The following UNC13D variants were observed in gnomAD, a reference collection of about 807,000 sequenced individuals.
UNC13D encodes the protein unc-13 homolog D.
Under a neutral mutation model 151.7 loss-of-function variants are expected in UNC13D, and 115 were observed. The observed-to-expected ratio is 0.76, with a 90% CI of 0.65 to 0.88. The LOEUF (loss-of-function observed/expected upper bound fraction) is 0.88, where lower values mean the gene tolerates loss of function less well. Ranked by LOEUF, UNC13D falls within the 40% of genes least tolerant of loss-of-function variation. The pLI is 0.00. For missense variants in UNC13D, 1,369 were observed against 1,438.7 expected (o/e 0.95, Z 0.78); for synonymous variants, 588 against 612.2 (o/e 0.96, Z 0.58).
At chr17:75,843,826 C>G in intron 1 of UNC13D, 1 of 1,375,410 alleles carries the variant, frequency 7.3e-7, no homozygotes, top group Non-Finnish European at 9.4e-7. Context: ...CACCCAGCAG[C>G]GGAAGTGAGG....
chr17:75,836,073 C>A lies in UNC13D; in HGVS notation c.1483G>T (p.Val495Leu). The A allele has an allele frequency of 6.2e-7, 1 of 1,613,784 alleles. No individual in the cohort carries two copies. Among genetic ancestry groups the A allele is most frequent in the Non-Finnish European group, 8.5e-7 (1 of 1,180,026 alleles). Residue 495 changes from valine to leucine, a missense_variant, in exon 17 of 32, where the codon GTA (valine) becomes TTA (leucine). By Grantham distance (32) the Val-to-Leu change is conservative. Around this residue, in one of 3 missense-constraint regions of UNC13D, gnomAD observed 807 missense variants for 795.5 expected, o/e 1.01. Transcript: ENST00000207549. ...TGCAGGTCGCCAATGACATCCTGTA[C>A]CAGGCCCAGCAAGGCCTTGCCTGCC... ...PEAGKALLGLVQDVIGDLHQC... is the reference protein window; with the variant it reads ...PEAGKALLGLLQDVIGDLHQC...
intron 20 of UNC13D, 21 bp from the exon 21 acceptor site, chr17:75,835,084 T>G: frequency 1.2e-6 from 2 of 1,613,400 alleles, no homozygotes; most frequent in Non-Finnish European, 1.7e-6. Context: ...AAAGGAGGAC[T>G]CAGGATACTG....
Position 75,832,978 on chromosome 17 carries a change from T to C in UNC13D, c.2435A>G (p.Glu812Gly). ...LCYMNTNLVQ[E>G]NFSSLLTLLW... ...GGCTGCTACAGACCTGCTGAAGTTC[T>C]CCTGCACCAAGTTGGTGTTCATGTA... Residue 812 changes from glutamate to glycine, a missense_variant, in exon 25 of 32, where the codon GAG (glutamate) becomes GGG (glycine). Glu to Gly is a moderately conservative substitution (Grantham distance 98). Transcript: ENST00000207549. This position sits in a 1 kb window ranked among gnomAD's most constrained non-coding sequence, Gnocchi z 4.3. 6.3e-7 allele frequency: 1 copy of C among 1,589,806 alleles called. No individual in the cohort carries two copies. The highest frequency in any genetic ancestry group is 8.6e-7 in the Non-Finnish European group (1 of 1,168,940).
Position 75,828,925 on chromosome 17 carries a change from C to T in UNC13D, c.3013G>A (p.Asp1005Asn), listed in dbSNP as rs745623386. The T allele has an allele frequency of 1.2e-6, 2 of 1,606,942 alleles. No homozygotes were observed. Among genetic ancestry groups the T allele is most frequent in the Admixed American group, 3.3e-5 (2 of 59,956 alleles). The change falls in exon 31 of 32, where the codon GAC becomes AAC. Residue 1005 changes from aspartate (D) to asparagine (N), a missense_variant. Coordinates refer to ENST00000207549, the MANE Select transcript of UNC13D (RefSeq NM_199242.3). ...TCGTCGGCCCCCAGCGTGTCGTAGT[C>T]CAGCACGGTGAGCAGGAGGCATGCC... Reference protein sequence around the residue: ...AGACLLLTVLDYDTLGADDLE... With the variant: ...AGACLLLTVLNYDTLGADDLE...
rs927196541 is a variant in UNC13D, at chr17:75,828,191, C to T, written c.3152-105G>A. The T allele has an allele frequency of 2.0e-5, 29 of 1,468,094 alleles. No homozygotes were observed. The African/African-American group carries it at 3.5e-4, about 18-fold the overall frequency. 90.9% of individuals were successfully genotyped at this position (1,468,094 alleles called of 1,614,324 possible). On this transcript the variant is annotated intron_variant, in intron 31 of 31. Coordinates refer to ENST00000207549, the MANE Select transcript of UNC13D (RefSeq NM_199242.3). ...GGTACACAACACTGCTCCATCTCCCCAACAACCTGGAAGGAAACAAGTGAC... is the reference window on the plus strand; with the variant it reads ...GGTACACAACACTGCTCCATCTCCCTAACAACCTGGAAGGAAACAAGTGAC...
rs1436634769 is a variant in UNC13D, at chr17:75,832,088, G to C, written c.2448-740C>G. ...GCTGAGATCGCGCCACTGCACTCCA[G>C]CCTGGGCGACAGAGCGAGACTCCGT... On this transcript the variant is annotated intron_variant, in intron 25 of 31. Transcript: ENST00000207549. This position sits in a 1 kb window ranked among gnomAD's most constrained non-coding sequence, Gnocchi z 4.3. 1.3e-5 allele frequency: 2 copies of C among 152,512 alleles called. No homozygotes were observed. 9.4% of individuals were successfully genotyped at this position (152,512 alleles called of 1,614,324 possible). A position where few individuals can be genotyped will look rare whatever the true frequency, so the allele number is the denominator to read the frequency against.
chr17:75,842,531 C>G lies in UNC13D; in HGVS notation c.471G>C (p.Gln157His). Residue 157 changes from glutamine to histidine, a missense_variant, in exon 6 of 32, where the codon CAG becomes CAC. Coordinates refer to ENST00000207549, the MANE Select transcript of UNC13D (RefSeq NM_199242.3). ...GGATGGTGTGCCTCACCACAGCCTT[C>G]TGCCGATGCCGGGACCCGGGGCTGC... ...PGGSPGSRHRQKAVVRHTIPE... is the reference protein window; with the variant it reads ...PGGSPGSRHRHKAVVRHTIPE... The G allele has an allele frequency of 6.2e-7, 1 of 1,612,876 alleles. No homozygotes were observed. Among genetic ancestry groups the G allele is most frequent in the Non-Finnish European group, 8.5e-7 (1 of 1,179,708 alleles).
In UNC13D at chr17:75,827,531, T is replaced by G. The variant is rs920462048; in HGVS notation, c.*434A>C. 3.3e-5 allele frequency: 51 copies of G among 1,532,816 alleles called. No individual in the cohort carries two copies. Among genetic ancestry groups the G allele is most frequent in the Middle Eastern group, 1.7e-4 (1 of 5,994 alleles). The allele number at this position is 1,532,816 out of a possible 1,614,324, so 95.0% of individuals were successfully genotyped here. On this transcript the variant is annotated 3_prime_UTR_variant, in exon 32 of 32. Coordinates refer to ENST00000207549, the MANE Select transcript of UNC13D (RefSeq NM_199242.3). ...GAGCCTCATCTTTGGCAGGGTCCCC[T>G]CTCCCTTTTCCAGGAGACTCTGTGC...
chr17:75,837,070 G>A, intron 12 of UNC13D, 152 bp from the exon 13 acceptor site: 1 of 673,270 alleles, frequency 1.5e-6, no homozygotes, highest in Non-Finnish European at 2.5e-6. Flanking sequence ...TTTTTGTTTT[G>A]TGTTTTTTTT....
At position 75,834,521 on chromosome 17, in the gene UNC13D, A is replaced by T; in HGVS notation, c.2102T>A (p.Val701Glu). ...QGQAANMLCV[V>E]VNDMEQLRLV... ...CCGCAGCTGCTCCATGTCATTCACC[A>T]CCACACACAGCTGGGACAGAGATGC... The change falls in exon 23 of 32, where the codon GTG (valine) becomes GAG (glutamate). Residue 701 changes from valine to glutamate, a missense_variant. Physicochemically the swap from Val to Glu is moderately radical, Grantham distance 121. This residue lies in a region of UNC13D where 807 missense variants were observed against 795.5 expected (regional missense o/e 1.01). Coordinates refer to ENST00000207549, the MANE Select transcript of UNC13D (RefSeq NM_199242.3). 1 of 1,590,276 alleles carries T rather than the reference A, an allele frequency of 6.3e-7. No homozygotes were observed.
intron 3 of UNC13D, 25 bp from the exon 4 acceptor site, chr17:75,843,098 T>TG: frequency 1.2e-6 from 1 of 837,616 alleles, no homozygotes; most frequent in East Asian, 3.4e-5. Flanking sequence ...GGCGGGTGGG[T>TG]GGCTGGGGGC....
intron 6 of UNC13D, among the ~76,000 whole-genome samples, chr17:75,841,750 A>ATTT (rs1212805297): frequency 1.8e-5 from 2 of 111,340 alleles, no homozygotes; most frequent in African/African-American, 3.4e-5. Flanking sequence ...GCCCCCACTA[A>ATTT]TTTTTTTTTT....
chr17:75,834,188 C>A, intron 23 of UNC13D, 45 bp from the exon 24 acceptor site: 2 of 1,610,510 alleles, frequency 1.2e-6, no homozygotes, highest in South Asian at 2.2e-5. Context: ...GGGCATGAGT[C>A]GGGGATGGAA....
In UNC13D at chr17:75,833,375, TCA is replaced by T. The variant is rs2064885677; in HGVS notation, c.2368-332_2368-331del. On this transcript the variant is annotated intron_variant, in intron 24 of 31. Coordinates refer to ENST00000207549, the MANE Select transcript of UNC13D (RefSeq NM_199242.3). The surrounding 1 kb of genome is among the most constrained non-coding windows in gnomAD (Gnocchi z 4.0). Reference sequence around the variant, plus strand: ...CCCCTTGCTTCCCGTAGGTCTTCGCTCAGTTGTCACGGCCTTCCCTGGCCACC... The same window carrying T: ...CCCCTTGCTTCCCGTAGGTCTTCGCTGTTGTCACGGCCTTCCCTGGCCACC... The T allele has an allele frequency of 7.6e-6, 2 of 262,632 alleles. No individual in the cohort carries two copies. The highest frequency in any genetic ancestry group is 1.1e-4 in the South Asian group (2 of 18,464). The allele number at this position is 262,632 out of a possible 1,614,324, so 16.3% of individuals were successfully genotyped here.
rs769515087 is a variant in UNC13D, at chr17:75,836,052, G to A, written c.1504C>T (p.Leu502=). ...LGLVQDVIGD[L]HQCQRTWDKI... ...TCCCATGTGCGCTGGCACTGGTGCA[G>A]GTCGCCAATGACATCCTGTACCAGG... The change falls in exon 17 of 32, where the codon CTG becomes TTG. Residue 502 remains leucine, a synonymous_variant. Coordinates refer to ENST00000207549, the MANE Select transcript of UNC13D (RefSeq NM_199242.3). The A allele has an allele frequency of 6.2e-7, 1 of 1,613,936 alleles. No individual in the cohort carries two copies. The highest frequency in any genetic ancestry group is 1.1e-5 in the South Asian group (1 of 91,092).
intron 27 of UNC13D, 77 bp from the exon 28 acceptor site, chr17:75,830,738 C>G: frequency 6.7e-7 from 1 of 1,492,698 alleles, no homozygotes; most frequent in East Asian, 2.5e-5. Flanking sequence ...CAGGAGCTCA[C>G]TGTCAAGGGT....
rs772555038 is a variant in UNC13D, at chr17:75,833,036, G to A, written c.2377C>T (p.Pro793Ser). 1.9e-6 allele frequency: 3 copies of A among 1,605,420 alleles called. No homozygotes were observed. In the Admixed American group the frequency reaches 5.1e-5, roughly 27 times the overall value. ...TCCACCTCCAGGAACTTCATCAGGGGCAGAATGGCCTGGGGAGGGAGATGG... is the reference window on the plus strand; with the variant it reads ...TCCACCTCCAGGAACTTCATCAGGGACAGAATGGCCTGGGGAGGGAGATGG... ...ESVLPEDAIL[P>S]LMKFLEVELC... Residue 793 changes from proline to serine, a missense_variant, in exon 25 of 32, where the codon CCC becomes TCC. This residue lies in a region of UNC13D where 807 missense variants were observed against 795.5 expected (regional missense o/e 1.01). Transcript: ENST00000207549. This position sits in a 1 kb window ranked among gnomAD's most constrained non-coding sequence, Gnocchi z 4.0.
Position 75,836,573 on chromosome 17 carries a change from T to A in UNC13D, c.1297A>T (p.Arg433Trp). ...DSPARLQSLL[R>W]VLVQMCKMKA... The stretch of plus-strand genomic sequence containing the variant: ...AGGAAGAGGAAGGCAGCCACTGACC[T>A]GAGAAGAGACTGCAGCCGGGCTGGG... Residue 433 changes from arginine to tryptophan, a missense_variant and splice_region_variant, in exon 14 of 32, where the codon AGG (arginine) becomes TGG (tryptophan). Physicochemically the swap from Arg to Trp is moderately radical, Grantham distance 101. Transcript: ENST00000207549. 1 of 1,613,368 alleles carries A rather than the reference T, an allele frequency of 6.2e-7. No individual in the cohort carries two copies. The highest frequency in any genetic ancestry group is 8.5e-7 in the Non-Finnish European group (1 of 1,179,948).
chr17:75,836,555 G>A lies in UNC13D; in HGVS notation c.1298+17C>T. Reference sequence around the variant, plus strand: ...TCATCCCTGACCCCACCGAGGAAGAGGAAGGCAGCCACTGACCTGAGAAGA... The same window carrying A: ...TCATCCCTGACCCCACCGAGGAAGAAGAAGGCAGCCACTGACCTGAGAAGA... On this transcript the variant is annotated intron_variant, in intron 14 of 31. Coordinates refer to ENST00000207549, the MANE Select transcript of UNC13D (RefSeq NM_199242.3). 1.2e-6 allele frequency: 2 copies of A among 1,613,452 alleles called. No homozygotes were observed. Among genetic ancestry groups the A allele is most frequent in the African/African-American group, 1.3e-5 (1 of 75,060 alleles).
Sources: allele counts gnomAD v4.1 joint callset (sites outside exome capture counted in the v4.1 genomes callset), GRCh38; gene constraint gnomAD v4.1.1; regional missense constraint gnomAD v4.1.1; non-coding constraint Gnocchi (gnomAD v3.1); transcripts MANE v1.5; gene names NCBI Gene and HGNC (gene_info 2026-07-23, HGNC 2026-07-21).